The following HS3ST4 variants were observed in gnomAD, a reference collection of about 807,000 sequenced individuals.
HS3ST4 encodes the protein heparan sulfate-glucosamine 3-sulfotransferase 4, also known as heparan sulfate glucosamine 3-O-sulfotransferase 4.
Under a neutral mutation model 29.2 loss-of-function variants are expected in HS3ST4, and 17 were observed. The observed-to-expected ratio is 0.58, with a 90% confidence interval of 0.40 to 0.87. The LOEUF (loss-of-function observed/expected upper bound fraction) is 0.87. Ranked by LOEUF, HS3ST4 falls within the 40% of genes least tolerant of loss-of-function variation. HS3ST4 has a pLI of 0.00. For missense variants in HS3ST4, 627 were observed against 634.5 expected (o/e 0.99, Z 0.13); for synonymous variants, 314 against 285.7 (o/e 1.10, Z -1.00).
intron 1 of HS3ST4, among the ~76,000 whole-genome samples, chr16:25,880,250 T>C (rs1967880724): frequency 6.6e-6 from 1 of 152,192 alleles, no homozygotes; most frequent in Non-Finnish European, 1.5e-5. Context: ...GATTAATGGC[T>C]GTTTCATCCC....
intron 1 of HS3ST4, among the ~76,000 whole-genome samples, chr16:25,923,880 G>A (rs67140692): frequency 0.17 from 25,828 of 152,078 alleles, 2,643 homozygotes; most frequent in Admixed American, 0.29. Context: ...GGATCCCATT[G>A]GCATTTTCTG....
intron 1 of HS3ST4, among the ~76,000 whole-genome samples, chr16:25,967,566 G>A (rs1312016454): frequency 3.9e-5 from 6 of 152,124 alleles, no homozygotes; most frequent in South Asian, 2.1e-4. Context: ...AAAATTGTCC[G>A]CCAGTCTTAT....
chr16:25,986,513 T>C (rs796234706), intron 1 of HS3ST4, among the ~76,000 whole-genome samples: 25 of 152,338 alleles, frequency 1.6e-4, no homozygotes, highest in African/African-American at 5.8e-4. Context: ...AGTCCTCTGC[T>C]AGCTAAGCAG....
chr16:25,862,163 ATATTTATT>A (rs60894635), intron 1 of HS3ST4, among the ~76,000 whole-genome samples: 1,940 of 144,746 alleles, frequency 0.013, 45 homozygotes, highest in African/African-American at 0.044. Flanking sequence ...ATTTATTTAC[ATATTTATT>A]TATTTATTTA....
At chr16:25,782,563 C>T (rs1031386448) in intron 1 of HS3ST4, among the ~76,000 whole-genome samples, 1 of 152,130 alleles carries the variant, frequency 6.6e-6, no homozygotes, top group Admixed American at 6.5e-5. Flanking sequence ...GCACTGGATA[C>T]CCTCTGTATC....
chr16:25,741,652 C>T (rs894034069), intron 1 of HS3ST4, among the ~76,000 whole-genome samples: 3 of 152,238 alleles, frequency 2.0e-5, no homozygotes, highest in African/African-American at 7.2e-5. Flanking sequence ...TTAACATACC[C>T]GGCCCTGTGC....
At chr16:26,041,343 A>T (rs2141758860) in intron 1 of HS3ST4, among the ~76,000 whole-genome samples, 1 of 151,818 alleles carries the variant, frequency 6.6e-6, no homozygotes, top group South Asian at 2.1e-4. Context: ...ATGTCTTTAA[A>T]AATAATAATA....
rs111270112 is a variant in HS3ST4, at chr16:26,038,641, AT to A, written c.735-96961del. On this transcript the variant is annotated intron_variant, in intron 1 of 1. Transcript: ENST00000331351. ...TCGCATCCACTTCTCCAATGGTTCTATTTTTTTTTTAATTATGTATGTATGT... is the reference window on the plus strand; with the variant it reads ...TCGCATCCACTTCTCCAATGGTTCTATTTTTTTTTAATTATGTATGTATGT... 6.6e-3 allele frequency among the ~76,000 whole-genome samples: 971 copies of A among 146,440 alleles called. 13 individuals are homozygous for A. The highest frequency in any genetic ancestry group is 0.023 in the African/African-American group (911 of 39,532).
intron 1 of HS3ST4, among the ~76,000 whole-genome samples, chr16:25,902,153 C>G (rs1202468515): frequency 6.6e-6 from 1 of 152,160 alleles, no homozygotes; most frequent in Non-Finnish European, 1.5e-5. Context: ...TGTCCATGGC[C>G]TTGAGTGGAG....
chr16:25,934,247 C>A (rs964187531), intron 1 of HS3ST4, among the ~76,000 whole-genome samples: 1 of 152,154 alleles, frequency 6.6e-6, no homozygotes. Flanking sequence ...AAGCAATTAC[C>A]CATTAGAAGG....
intron 1 of HS3ST4, among the ~76,000 whole-genome samples, chr16:25,839,091 A>G (rs1297244280): frequency 2.0e-5 from 3 of 149,978 alleles, no homozygotes; most frequent in African/African-American, 7.5e-5. Context: ...AAAGTCTTGA[A>G]ATTAAAGTAT....
At chr16:26,116,221 T>G (rs1899198999) in intron 1 of HS3ST4, among the ~76,000 whole-genome samples, 1 of 152,224 alleles carries the variant, frequency 6.6e-6, no homozygotes, top group Admixed American at 6.5e-5. Context: ...CCTCAGTTCC[T>G]TGACAAGTGA....
intron 1 of HS3ST4, among the ~76,000 whole-genome samples, chr16:26,084,078 G>T (rs1010776041): frequency 6.6e-6 from 1 of 152,170 alleles, no homozygotes; most frequent in Non-Finnish European, 1.5e-5. Flanking sequence ...TTTGGAGTTT[G>T]CCCTGATGGT....
rs1213907880 is a variant in HS3ST4, at chr16:25,802,057, C to T, written c.734+108906C>T. Among the ~76,000 whole-genome samples, 3 of 147,484 alleles carry T rather than the reference C, an allele frequency of 2.0e-5. No individual in the cohort carries two copies. In the Admixed American group the frequency reaches 2.1e-4, roughly 10 times the overall value. On this transcript the variant is annotated intron_variant, in intron 1 of 1. Coordinates refer to ENST00000331351, the MANE Select transcript of HS3ST4 (RefSeq NM_006040.3). ...GACGAGCAGTTAAAAATTCTGTCTT[C>T]ATGGATCTTACACTCTAATGTGAAG...
intron 1 of HS3ST4, among the ~76,000 whole-genome samples, chr16:26,044,564 A>T (rs1405929147): frequency 6.6e-6 from 1 of 152,156 alleles, no homozygotes; most frequent in African/African-American, 2.4e-5. Context: ...GCATCTTTTC[A>T]TCTGGCTATT....
At chr16:26,032,407 T>A (rs1567298030) in intron 1 of HS3ST4, 1 of 653,280 alleles carries the variant, frequency 1.5e-6, no homozygotes, top group Non-Finnish European at 2.7e-6. Context: ...AAGTGTTCTG[T>A]GTGCTAACAA....
chr16:25,884,588 C>CA (rs1036901623), intron 1 of HS3ST4, among the ~76,000 whole-genome samples: 2 of 152,124 alleles, frequency 1.3e-5, no homozygotes, highest in African/African-American at 2.4e-5. Flanking sequence ...GTTTTTGAGA[C>CA]AGAGTCTGGC....
In HS3ST4 at chr16:25,828,242, C is replaced by CTTTTTCTATCTATCTT. The variant is rs1371928058; in HGVS notation, c.734+135092_734+135093insTTTTCTATCTATCTTT. The stretch of plus-strand genomic sequence containing the variant: ...CTTTCCTTTCTTTCTTTCTTTCTTT[C>CTTTTTCTATCTATCTT]TCTTTCTTTCTTTCTTTCTTTCTTT... On this transcript the variant is annotated intron_variant, in intron 1 of 1. Coordinates refer to ENST00000331351, the MANE Select transcript of HS3ST4 (RefSeq NM_006040.3). Among the ~76,000 whole-genome samples the CTTTTTCTATCTATCTT allele has an allele frequency of 5.7e-4, 43 of 75,028 alleles. 1 individual carries two copies. The highest frequency in any genetic ancestry group is 9.9e-4 in the Non-Finnish European group (39 of 39,488). The allele number at this position is 75,028 out of a possible 152,430, so 49.2% of individuals were successfully genotyped here.
At chr16:26,120,170 G>A (rs1899256674) in intron 1 of HS3ST4, among the ~76,000 whole-genome samples, 1 of 152,070 alleles carries the variant, frequency 6.6e-6, no homozygotes, top group South Asian at 2.1e-4. Flanking sequence ...ATAGCAGAGT[G>A]TGTAGGTATG....
Sources: allele counts gnomAD v4.1 joint callset (sites outside exome capture counted in the v4.1 genomes callset), GRCh38; gene constraint gnomAD v4.1.1; transcripts MANE v1.5; gene names NCBI Gene and HGNC (gene_info 2026-07-23, HGNC 2026-07-21).